Variants in DACH2 observed in about 807,000 individuals in gnomAD.
DACH2 encodes dachshund family transcription factor 2, also known as dachshund homolog 2.
DACH2 carries 17 observed loss-of-function variants against 35.8 expected under a neutral mutation model. The ratio of observed to expected loss-of-function variants is 0.48; its 90% CI spans 0.33 to 0.71. DACH2 has a LOEUF of 0.71. Ranked by LOEUF, DACH2 falls within the 30% of genes least tolerant of loss-of-function variation. The probability of loss-of-function intolerance (pLI) is 0.02; values close to 1 mark genes in which losing one functional copy is unlikely to be tolerated. For synonymous variants in DACH2, 195 were observed against 177.3 expected (o/e 1.10, Z -0.79); for missense variants, 469 against 472.7 (o/e 0.99, Z 0.07).
intron 5 of DACH2, 119 bp from the exon 6 acceptor site, chrX:86,714,429 C>A: frequency 1.9e-6 from 1 of 516,756 alleles, no homozygotes; most frequent in Non-Finnish European, 3.0e-6. Flanking sequence ...CACAAGGAGA[C>A]ACTAAGATAT....
intron 3 of DACH2, among the ~76,000 whole-genome samples, chrX:86,556,678 G>C (rs936684314): frequency 8.0e-5 from 8 of 100,477 alleles, no homozygotes; most frequent in African/African-American, 2.9e-4. Context: ...CTCTGCATAT[G>C]GGTCATTGGG....
intron 6 of DACH2, among the ~76,000 whole-genome samples, chrX:86,736,536 C>T (rs2041598462): frequency 9.0e-6 from 1 of 111,123 alleles, no homozygotes. Context: ...TAGTTAATAT[C>T]AATTGCATTT....
intron 1 of DACH2, among the ~76,000 whole-genome samples, chrX:86,281,471 C>T (rs981921448): frequency 9.0e-6 from 1 of 111,649 alleles, no homozygotes; most frequent in Admixed American, 9.5e-5. Context: ...TAAACACTCT[C>T]AATCAACTAG....
intron 7 of DACH2, among the ~76,000 whole-genome samples, chrX:86,785,042 G>A (rs1345945182): frequency 1.8e-5 from 2 of 110,900 alleles, no homozygotes; most frequent in South Asian, 7.7e-4. Context: ...TTTATCTAGT[G>A]AGGGGTGAAA....
intron 2 of DACH2, among the ~76,000 whole-genome samples, chrX:86,511,921 G>T (rs1234988367): frequency 1.8e-5 from 2 of 112,047 alleles, no homozygotes; most frequent in Admixed American, 1.9e-4. Context: ...ACACAATTAT[G>T]TTATGATTAA....
intron 2 of DACH2, among the ~76,000 whole-genome samples, chrX:86,454,068 T>C (rs2037430934): frequency 9.0e-6 from 1 of 111,727 alleles, no homozygotes; most frequent in African/African-American, 3.3e-5. Flanking sequence ...AAATTCTGGG[T>C]TAGAAATTTT....
chrX:86,539,392 C>T (rs961397043), intron 3 of DACH2, among the ~76,000 whole-genome samples: 3 of 111,563 alleles, frequency 2.7e-5, no homozygotes, highest in Admixed American at 9.5e-5. Context: ...ATCTTTATAG[C>T]AGTGTAAAAA....
intron 7 of DACH2, among the ~76,000 whole-genome samples, chrX:86,811,500 G>T (rs1200326480): frequency 9.0e-6 from 1 of 111,633 alleles, no homozygotes; most frequent in African/African-American, 3.3e-5. Context: ...TTTTTCTTGA[G>T]TGAGTCTCAT....
chrX:86,227,085 T>G (rs912816201), intron 1 of DACH2, among the ~76,000 whole-genome samples: 146 of 111,817 alleles, frequency 1.3e-3, no homozygotes, highest in African/African-American at 4.5e-3. Flanking sequence ...GAAAATAATT[T>G]AATGGATGAA....
At chrX:86,594,007 A>G (rs1422736839) in intron 3 of DACH2, among the ~76,000 whole-genome samples, 1 of 111,202 alleles carries the variant, frequency 9.0e-6, no homozygotes, top group East Asian at 2.8e-4. Flanking sequence ...ATTATTAATA[A>G]TTGATTCAAT....
rs184436624 is a variant in DACH2 at position 86,826,242 on chromosome X, T to C, written c.1751-5864T>C. On this transcript the variant is annotated intron_variant, in intron 11 of 11. Transcript: ENST00000373125. ...TGTTTTCTAAGAACTAGAGATTCAA[T>C]AAAGGGGAAAGGGATGTATTAAATA... Among the ~76,000 whole-genome samples the C allele has an allele frequency of 4.5e-5, 5 of 111,090 alleles. No homozygotes were observed. The East Asian group carries it at 1.4e-3, about 32-fold the overall frequency.
At chrX:86,157,229 T>G (rs1281487977) in intron 1 of DACH2, among the ~76,000 whole-genome samples, 1 of 111,756 alleles carries the variant, frequency 8.9e-6, no homozygotes, top group Non-Finnish European at 1.9e-5. Flanking sequence ...GACTGTTTAA[T>G]GGTGTGTAAT....
chrX:86,649,786 A>G (rs1162296030), intron 3 of DACH2, among the ~76,000 whole-genome samples: 1 of 111,362 alleles, frequency 9.0e-6, no homozygotes, highest in Non-Finnish European at 1.9e-5. Flanking sequence ...ACCTCAGCTT[A>G]CATATTTGAT....
At position 86,530,681 on chromosome X, in the gene DACH2, A is replaced by G. The variant is rs762039335; in HGVS notation, c.640+16290A>G. On this transcript the variant is annotated intron_variant, in intron 3 of 11. Coordinates refer to ENST00000373125, the MANE Select transcript of DACH2 (RefSeq NM_053281.3). The stretch of plus-strand genomic sequence containing the variant: ...TAGCAGTGTGAAAATGGACTAATAC[A>G]GAAAACTGGTACTGAATGAAGTGGA... 8.9e-5 allele frequency among the ~76,000 whole-genome samples: 10 copies of G among 112,192 alleles called. No homozygotes were observed. The South Asian group carries it at 3.4e-3, about 38-fold the overall frequency.
chrX:86,660,220 C>G (rs1377384324), intron 4 of DACH2, among the ~76,000 whole-genome samples: 1 of 111,152 alleles, frequency 9.0e-6, no homozygotes, highest in Non-Finnish European at 1.9e-5. Context: ...AGAATGGTCT[C>G]AAAAACCTTA....
chrX:86,343,656 G>A (rs189870843), intron 1 of DACH2, among the ~76,000 whole-genome samples: 241 of 111,869 alleles, frequency 2.2e-3, no homozygotes, highest in African/African-American at 7.3e-3. Flanking sequence ...ATTAGGGTTT[G>A]AACTTAGAGA....
At chrX:86,342,728 AC>A (rs1423605003) in intron 1 of DACH2, among the ~76,000 whole-genome samples, 1 of 108,267 alleles carries the variant, frequency 9.2e-6, no homozygotes, top group Non-Finnish European at 1.9e-5. Flanking sequence ...AATCTTTTGA[AC>A]CCGGGAATGA....
At chrX:86,649,950 A>AT (rs1450624665) in intron 3 of DACH2, among the ~76,000 whole-genome samples, 1 of 110,871 alleles carries the variant, frequency 9.0e-6, no homozygotes, top group Non-Finnish European at 1.9e-5. Flanking sequence ...AATCTACCAG[A>AT]TTTTTCTTTT....
At chrX:86,281,788 G>A (rs1294948376) in intron 1 of DACH2, among the ~76,000 whole-genome samples, 1 of 112,214 alleles carries the variant, frequency 8.9e-6, no homozygotes, top group African/African-American at 3.2e-5. Context: ...AAGCTGATAA[G>A]CAACTTCAGC....
Sources: gnomAD v4.1 joint callset for allele counts (sites outside exome capture counted in the v4.1 genomes callset) on GRCh38, gnomAD v4.1.1 for gene constraint, MANE v1.5 for transcripts, NCBI Gene and HGNC (gene_info 2026-07-23, HGNC 2026-07-21) for gene names.